The following LRP1B variants were observed in gnomAD, a reference collection of about 807,000 sequenced individuals.
The protein encoded by LRP1B is LDL receptor related protein 1B.
Under a neutral mutation model 556.6 loss-of-function variants are expected in LRP1B, and 217 were observed. The observed-to-expected ratio is 0.39, with a 90% CI of 0.35 to 0.44. LRP1B has a LOEUF of 0.44. LRP1B is among the 20% of genes least tolerant of loss of function. The probability of loss-of-function intolerance (pLI) is 1.00; values close to 1 mark genes in which losing one functional copy is unlikely to be tolerated. For synonymous variants in LRP1B, 2,047 were observed against 1,865.8 expected, an observed-to-expected ratio of 1.10 and a Z score of -2.50; for missense variants, 5,053 against 5,620.8, an observed-to-expected ratio of 0.90 and a Z score of 3.23.
chr2:140,584,129 G>C (rs1369250994), intron 43 of LRP1B, among the ~76,000 whole-genome samples: 2 of 151,952 alleles, frequency 1.3e-5, no homozygotes, highest in Admixed American at 1.3e-4. Context: ...ATAAATTCAT[G>C]TTAGTTTTCT....
intron 1 of LRP1B, among the ~76,000 whole-genome samples, chr2:141,847,797 G>C (rs1400044271): frequency 6.6e-6 from 1 of 151,556 alleles, no homozygotes; most frequent in African/African-American, 2.4e-5. Context: ...TTCCACCTAT[G>C]TGTGAAGGTT....
intron 2 of LRP1B, among the ~76,000 whole-genome samples, chr2:141,652,915 T>C (rs536650349): frequency 6.6e-6 from 1 of 152,172 alleles, no homozygotes; most frequent in South Asian, 2.1e-4. Context: ...CTTCATATGC[T>C]AAGGACCACT....
chr2:141,277,119 T>C (rs980713142), intron 3 of LRP1B, among the ~76,000 whole-genome samples: 3 of 152,226 alleles, frequency 2.0e-5, no homozygotes, highest in Non-Finnish European at 4.4e-5. Context: ...TACGTCTTTA[T>C]GGTAGAACAA....
intron 2 of LRP1B, among the ~76,000 whole-genome samples, chr2:141,600,044 T>C (rs1318305073): frequency 6.6e-6 from 1 of 152,158 alleles, no homozygotes. Flanking sequence ...CCCTTTTCTA[T>C]CATCTCTAAT....
chr2:140,388,200 G>A (rs1039717089), intron 66 of LRP1B, among the ~76,000 whole-genome samples: 1 of 152,010 alleles, frequency 6.6e-6, no homozygotes, highest in African/African-American at 2.4e-5. Flanking sequence ...GCCTCCCAAC[G>A]TGTTGGGATT....
chr2:140,710,567 GATAAAT>G (rs912382102), intron 37 of LRP1B, among the ~76,000 whole-genome samples: 16 of 151,846 alleles, frequency 1.1e-4, no homozygotes, highest in African/African-American at 3.9e-4. Flanking sequence ...GGGTTTAAAA[GATAAAT>G]ATAATAAGAG....
At chr2:141,103,725 G>A (rs941862706) in intron 7 of LRP1B, among the ~76,000 whole-genome samples, 3 of 145,452 alleles carry the variant, frequency 2.1e-5, no homozygotes, top group Admixed American at 1.4e-4. Context: ...TTTTTTAGAA[G>A]AAACCCCCTT....
At chr2:140,515,716 G>C (rs554672397) in intron 50 of LRP1B, among the ~76,000 whole-genome samples, 1 of 152,112 alleles carries the variant, frequency 6.6e-6, no homozygotes, top group East Asian at 1.9e-4. Flanking sequence ...CCAGTGTTCA[G>C]AAATTATGAA....
intron 2 of LRP1B, among the ~76,000 whole-genome samples, chr2:141,697,951 A>G (rs930447416): frequency 6.6e-6 from 1 of 151,904 alleles, no homozygotes; most frequent in African/African-American, 2.4e-5. Context: ...TACCCTCATT[A>G]TGTTTAGCAC....
rs1420158071 is a variant in LRP1B at position 140,356,497 on chromosome 2, C to A, written c.11396-21G>T. The A allele has an allele frequency of 3.9e-6, 6 of 1,542,940 alleles. No individual in the cohort carries two copies. In the South Asian group the frequency reaches 4.7e-5, roughly 12 times the overall value. On this transcript the variant is annotated intron_variant, in intron 74 of 90. Transcript: ENST00000389484. ...AGGAGCTGGGATTTAAAAATATGATCAAAACTAATATAATTCTAATTCCTG... is the reference window on the plus strand; with the variant it reads ...AGGAGCTGGGATTTAAAAATATGATAAAAACTAATATAATTCTAATTCCTG...
intron 22 of LRP1B, among the ~76,000 whole-genome samples, chr2:140,905,044 C>A (rs1434363083): frequency 1.3e-5 from 2 of 152,074 alleles, no homozygotes; most frequent in Non-Finnish European, 1.5e-5. Flanking sequence ...TAGCCCTAAA[C>A]CTGTCATTAA....
intron 32 of LRP1B, among the ~76,000 whole-genome samples, chr2:140,788,259 C>T (rs189308738): frequency 6.6e-6 from 1 of 152,294 alleles, no homozygotes; most frequent in African/African-American, 2.4e-5. Context: ...TTACATATGA[C>T]TATACTGATT....
intron 17 of LRP1B, among the ~76,000 whole-genome samples, chr2:140,984,115 T>C (rs954037667): frequency 6.6e-6 from 1 of 151,844 alleles, no homozygotes; most frequent in African/African-American, 2.4e-5. Context: ...TCTAATGTCA[T>C]TAGTTTACTT....
chr2:140,413,423 C>T (rs1379013735), intron 66 of LRP1B, among the ~76,000 whole-genome samples: 1 of 152,118 alleles, frequency 6.6e-6, no homozygotes, highest in Non-Finnish European at 1.5e-5. Flanking sequence ...AAATCTGTCA[C>T]CGTGAACCTC....
chr2:141,132,493 C>G (rs1449495179), intron 7 of LRP1B, among the ~76,000 whole-genome samples: 1 of 151,992 alleles, frequency 6.6e-6, no homozygotes, highest in East Asian at 1.9e-4. Context: ...GCCTACAAAA[C>G]TGAGATCTAA....
At chr2:140,878,582 T>TA (rs1377188709) in intron 25 of LRP1B, among the ~76,000 whole-genome samples, 1 of 152,192 alleles carries the variant, frequency 6.6e-6, no homozygotes, top group African/African-American at 2.4e-5. Flanking sequence ...AACAGGTTGT[T>TA]ATTTGTCAGT....
chr2:141,379,392 AT>A (rs1321142289), intron 3 of LRP1B, among the ~76,000 whole-genome samples: 1 of 152,182 alleles, frequency 6.6e-6, no homozygotes, highest in East Asian at 1.9e-4. Flanking sequence ...AGTGATGCCA[AT>A]CATGTGCCAG....
Position 140,315,193 on chromosome 2 carries a change from T to C in LRP1B, c.12641-94A>G, listed in dbSNP as rs1193953245. 9 of 817,518 alleles carry C rather than the reference T, an allele frequency of 1.1e-5. No individual in the cohort carries two copies. The Admixed American group carries it at 3.0e-4, about 27-fold the overall frequency. The allele number at this position is 817,518 out of a possible 1,614,324, so 50.6% of individuals were successfully genotyped here. A position where few individuals can be genotyped will look rare whatever the true frequency, so the allele number is the denominator to read the frequency against. ...GATACAATATTTAAATACTAGGATC[T>C]TGTGTTTCCATAAAATAATTAACCC... On this transcript the variant is annotated intron_variant, in intron 82 of 90. Coordinates refer to ENST00000389484, the MANE Select transcript of LRP1B (RefSeq NM_018557.3).
At chr2:141,408,200 T>C (rs1483619310) in intron 3 of LRP1B, among the ~76,000 whole-genome samples, 1 of 144,452 alleles carries the variant, frequency 6.9e-6, no homozygotes, top group Non-Finnish European at 1.5e-5. Context: ...TGGAGTGCAG[T>C]GGCATGATCT....
Sources: gnomAD v4.1 joint callset for allele counts (sites outside exome capture counted in the v4.1 genomes callset) on GRCh38, gnomAD v4.1.1 for gene constraint, MANE v1.5 for transcripts, NCBI Gene and HGNC (gene_info 2026-07-23, HGNC 2026-07-21) for gene names.